The following LRRTM1 variants were observed in gnomAD, a reference collection of about 807,000 sequenced individuals.
LRRTM1 encodes the protein leucine rich repeat transmembrane neuronal 1.
A neutral mutation model predicts 37.3 loss-of-function variants in LRRTM1; 8 were observed. That is an observed-to-expected ratio of 0.21 (90% confidence interval 0.13 to 0.39). LRRTM1 has a LOEUF of 0.39. Ranked by LOEUF, LRRTM1 falls within the 10% of genes least tolerant of loss-of-function variation. The pLI, the probability that LRRTM1 is intolerant of heterozygous loss-of-function variation, is 1.00. For synonymous variants in LRRTM1, 326 were observed against 316.8 expected, an observed-to-expected ratio of 1.03 and a Z score of -0.31; for missense variants, 557 against 691.0, an observed-to-expected ratio of 0.81 and a Z score of 2.17.
Position 80,302,491 on chromosome 2 carries a change from G to C in LRRTM1, c.1329C>G (p.Val443=), listed in dbSNP as rs140965354. Residue 443 remains valine (V), a synonymous_variant, in exon 2 of 2, where the codon GTC becomes GTG. Coordinates refer to ENST00000295057, the MANE Select transcript of LRRTM1 (RefSeq NM_178839.5). This position sits in a 1 kb window ranked among gnomAD's most constrained non-coding sequence, Gnocchi z 6.4. ...MALIFSFLIV[V]LVLYVSWKCF... The stretch of plus-strand genomic sequence containing the variant: ...ACTTCCAGGACACGTAGAGCACCAG[G>C]ACCACGATGAGGAAGGAGAAGATGA... 6.2e-7 allele frequency: 1 copy of C among 1,613,822 alleles called. No homozygotes were observed. The highest frequency in any genetic ancestry group is 2.2e-5 in the East Asian group (1 of 44,882).
downstream of LRRTM1, chr2:80,299,441 GACA>G (rs1280696558): frequency 6.6e-6 from 1 of 151,850 alleles, no homozygotes; most frequent in Non-Finnish European, 1.5e-5. Context: ...CGTTTGTGTA[GACA>G]ACGTTTGCTT....
Position 80,302,559 on chromosome 2 carries a change from T to C in LRRTM1, c.1261A>G (p.Asn421Asp). ...ACCACCTTGTGGATCTGCACGGCGT[T>C]CTCGGCGTGCTCGCCGCCTGGAAGA... is the stretch of plus-strand genomic sequence containing the variant. The part of the protein sequence containing the change: ...VALPGGEHAE[N>D]AVQIHKVVTG... Residue 421 changes from asparagine to aspartate, a missense_variant, in exon 2 of 2, where the codon AAC (asparagine) becomes GAC (aspartate). By Grantham distance (23) the Asn-to-Asp change is conservative. Around this residue, in one of 5 missense-constraint regions of LRRTM1, gnomAD observed 90 missense variants for 149.4 expected, o/e 0.60. Coordinates refer to ENST00000295057, the MANE Select transcript of LRRTM1 (RefSeq NM_178839.5). The surrounding 1 kb of genome is among the most constrained non-coding windows in gnomAD (Gnocchi z 6.4). 1 of 1,608,750 alleles carries C rather than the reference T, an allele frequency of 6.2e-7. No individual in the cohort carries two copies. Among genetic ancestry groups the C allele is most frequent in the Non-Finnish European group, 8.5e-7 (1 of 1,179,402 alleles).
At chr2:80,301,616 C>T (rs886990883), downstream of LRRTM1, among the ~76,000 whole-genome samples, 1 of 152,208 alleles carries the variant, frequency 6.6e-6, no homozygotes, top group East Asian at 1.9e-4. Context: ...TTAGATTGCA[C>T]TGTCCCTGCC....
At position 80,302,650 on chromosome 2, in the gene LRRTM1, C is replaced by A. The variant is rs200884012; in HGVS notation, c.1170G>T (p.Ser390=). ...NRSDLGPPAS[S]ATTLADGGEG... ...CCCCGCCGTCCGCGAGCGTGGTGGC[C>A]GAGCTGGCAGGGGGCCCCAGATCAC... The change falls in exon 2 of 2, where the codon TCG becomes TCT. Residue 390 remains serine, a synonymous_variant. Transcript: ENST00000295057. This position sits in a 1 kb window ranked among gnomAD's most constrained non-coding sequence, Gnocchi z 6.4. 8 of 1,608,760 alleles carry A rather than the reference C, an allele frequency of 5.0e-6. No homozygotes were observed. The highest frequency in any genetic ancestry group is 6.8e-6 in the Non-Finnish European group (8 of 1,178,702).
At chr2:80,294,231 A>C (rs1675523147) in intron 2 of LRRTM1, among the ~76,000 whole-genome samples, 1 of 152,176 alleles carries the variant, frequency 6.6e-6, no homozygotes, top group East Asian at 1.9e-4. Flanking sequence ...AAAATGGGAC[A>C]AGTTTATGTC....
At chr2:80,292,267 T>C (rs2149181660) in intron 2 of LRRTM1, among the ~76,000 whole-genome samples, 1 of 152,304 alleles carries the variant, frequency 6.6e-6, no homozygotes, top group Admixed American at 6.5e-5. Flanking sequence ...GCTTAATTCT[T>C]ATAACAACCC....
chr2:80,303,889 T>G lies in LRRTM1; in HGVS notation c.-59-11A>C. The stretch of plus-strand genomic sequence containing the variant: ...CGCTCGGTCAGAAATCTACATCATA[T>G]TTTATTCCGAGGGAGGGGAAGCGGG... On this transcript the variant is annotated splice_polypyrimidine_tract_variant and intron_variant, in intron 1 of 1. Coordinates refer to ENST00000295057, the MANE Select transcript of LRRTM1 (RefSeq NM_178839.5). This position sits in a 1 kb window ranked among gnomAD's most constrained non-coding sequence, Gnocchi z 7.7. The G allele has an allele frequency of 6.9e-7, 1 of 1,441,690 alleles. No individual in the cohort carries two copies. The highest frequency in any genetic ancestry group is 9.1e-7 in the Non-Finnish European group (1 of 1,094,644). The allele number at this position is 1,441,690 out of a possible 1,614,324, so 89.3% of individuals were successfully genotyped here. A position where few individuals can be genotyped will look rare whatever the true frequency, so the allele number is the denominator to read the frequency against.
At chr2:80,297,616 GCCT>G (rs1480174776), downstream of LRRTM1, among the ~76,000 whole-genome samples, 1 of 152,060 alleles carries the variant, frequency 6.6e-6, no homozygotes, top group African/African-American at 2.4e-5. Flanking sequence ...TAAGAATTTT[GCCT>G]CCTGAATCCC....
chr2:80,302,884 G>A lies in LRRTM1; in HGVS notation c.936C>T (p.Ala312=). Residue 312 remains alanine, a synonymous_variant, in exon 2 of 2, where the codon GCC becomes GCT. Coordinates refer to ENST00000295057, the MANE Select transcript of LRRTM1 (RefSeq NM_178839.5). The surrounding 1 kb of genome is among the most constrained non-coding windows in gnomAD (Gnocchi z 6.4). ...SWKSLTSITL[A]GNLWDCGRNV... is the part of the protein sequence containing the mutation. ...TGCGCCCGCAATCCCACAGGTTCCC[G>A]GCCAGGGTGATGCTTGTCAGGGACT... 2.5e-6 allele frequency: 4 copies of A among 1,614,124 alleles called. No individual in the cohort carries two copies. The highest frequency in any genetic ancestry group is 1.1e-5 in the South Asian group (1 of 91,082).
At chr2:80,294,853 G>A (rs1260812331) in intron 2 of LRRTM1, among the ~76,000 whole-genome samples, 4 of 152,042 alleles carry the variant, frequency 2.6e-5, no homozygotes, top group South Asian at 4.2e-4. Flanking sequence ...CTCATAACAC[G>A]AGGGAAAATA....
chr2:80,294,352 GTCTT>G (rs1161219204), intron 2 of LRRTM1, among the ~76,000 whole-genome samples: 1 of 152,106 alleles, frequency 6.6e-6, no homozygotes, highest in African/African-American at 2.4e-5. Context: ...ATGCTTGCAC[GTCTT>G]TCTTCTATCA....
Position 80,303,268 on chromosome 2 carries a change from G to A in LRRTM1, c.552C>T (p.Cys184=), listed in dbSNP as rs773134418. 23 of 1,613,556 alleles carry A rather than the reference G, an allele frequency of 1.4e-5. No homozygotes were observed. The highest frequency in any genetic ancestry group is 1.5e-5 in the Non-Finnish European group (18 of 1,180,024). ...QFVPVRIFQD[C]RSLKFLDIGY... The stretch of plus-strand genomic sequence containing the variant: ...CGATGTCGAGAAACTTGAGGCTGCG[G>A]CAGTCCTGGAAGATGCGCACGGGCA... The change falls in exon 2 of 2, where the codon TGC becomes TGT. Residue 184 remains cysteine (C), a synonymous_variant. Transcript: ENST00000295057. This position sits in a 1 kb window ranked among gnomAD's most constrained non-coding sequence, Gnocchi z 7.7.
chr2:80,294,909 GAC>G (rs2149188283), intron 2 of LRRTM1, among the ~76,000 whole-genome samples: 1 of 152,264 alleles, frequency 6.6e-6, no homozygotes, highest in Admixed American at 6.5e-5. Context: ...TAACCTGGTG[GAC>G]CAGAATAAAG....
Position 80,302,958 on chromosome 2 carries a change from C to A in LRRTM1, c.862G>T (p.Asp288Tyr), listed in dbSNP as rs1464885282. Residue 288 changes from aspartate to tyrosine, a missense_variant, in exon 2 of 2, where the codon GAC becomes TAC. This residue lies in a region of LRRTM1 where 200 missense variants were observed against 249.9 expected (regional missense o/e 0.80). Coordinates refer to ENST00000295057, the MANE Select transcript of LRRTM1 (RefSeq NM_178839.5). This position sits in a 1 kb window ranked among gnomAD's most constrained non-coding sequence, Gnocchi z 6.4. Reference protein sequence around the residue: ...TVPHLQSLQLDSNRLTYIEPR... With the variant: ...TVPHLQSLQLYSNRLTYIEPR... ...TCGATGTAGGTGAGGCGGTTGGAGT[C>A]CAGCTGCAGGGACTGCAGGTGCGGC... 1.2e-6 allele frequency: 2 copies of A among 1,613,932 alleles called. No homozygotes were observed. Among genetic ancestry groups the A allele is most frequent in the Non-Finnish European group, 1.7e-6 (2 of 1,179,992 alleles).
At chr2:80,298,543 C>T (rs1675962476), downstream of LRRTM1, 1 of 152,130 alleles carries the variant, frequency 6.6e-6, no homozygotes, top group Non-Finnish European at 1.5e-5. Context: ...ACAAGTGGCC[C>T]CTAATCCTAC....
chr2:80,296,951 G>C (rs72928791), downstream of LRRTM1, among the ~76,000 whole-genome samples: 1,658 of 152,260 alleles, frequency 0.011, 26 homozygotes, highest in African/African-American at 0.036. Context: ...AGGAAGAAAT[G>C]CAGATAAATC....
downstream of LRRTM1, among the ~76,000 whole-genome samples, chr2:80,300,281 GGTGTGTGTGTGTGTGTGT>G (rs70940079): frequency 0.027 from 2,525 of 93,150 alleles, 82 homozygotes; most frequent in African/African-American, 0.097. Flanking sequence ...GGGGTGTTGG[GGTGTGTGTGTGTGTGTGT>G]GTGTGTGTGT....
At chr2:80,295,171 A>C (rs967998967) in intron 2 of LRRTM1, among the ~76,000 whole-genome samples, 1 of 151,340 alleles carries the variant, frequency 6.6e-6, no homozygotes, top group African/African-American at 2.4e-5. Context: ...TCAATTCCTA[A>C]TATCCATTGT....
Position 80,302,673 on chromosome 2 carries a change from C to A in LRRTM1, c.1147G>T (p.Asp383Tyr). Residue 383 changes from aspartate (D) to tyrosine (Y), a missense_variant, in exon 2 of 2, where the codon GAT (aspartate) becomes TAT (tyrosine). Coordinates refer to ENST00000295057, the MANE Select transcript of LRRTM1 (RefSeq NM_178839.5). This position sits in a 1 kb window ranked among gnomAD's most constrained non-coding sequence, Gnocchi z 6.4. ...HLLSAVTNRS[D>Y]LGPPASSATT... ...GCCGAGCTGGCAGGGGGCCCCAGAT[C>A]ACTGCGGTTGGTGACGGCCGAGAGC... The A allele has an allele frequency of 6.2e-7, 1 of 1,611,926 alleles. No homozygotes were observed. Among genetic ancestry groups the A allele is most frequent in the Non-Finnish European group, 8.5e-7 (1 of 1,179,680 alleles).
Sources: gnomAD v4.1 joint callset for allele counts (sites outside exome capture counted in the v4.1 genomes callset) on GRCh38, gnomAD v4.1.1 for gene constraint, gnomAD v4.1.1 regional missense constraint, Gnocchi (gnomAD v3.1) non-coding constraint, MANE v1.5 for transcripts, NCBI Gene and HGNC (gene_info 2026-07-23, HGNC 2026-07-21) for gene names.